ARID3A: variants seen among roughly 807,000 people sequenced by gnomAD.
ARID3A encodes the protein AT-rich interaction domain 3A, also known as AT-rich interactive domain-containing protein 3A.
In ARID3A, 11 loss-of-function variants were observed where a neutral mutation model predicts 52.7. That is an observed-to-expected ratio of 0.21 (90% CI 0.13 to 0.35). The LOEUF is 0.35. Ranked by LOEUF, ARID3A falls within the 10% of genes least tolerant of loss-of-function variation. The pLI, the probability that ARID3A is intolerant of heterozygous loss-of-function variation, is 1.00. For missense variants in ARID3A, 721 were observed against 838.5 expected, an observed-to-expected ratio of 0.86 and a Z score of 1.73; for synonymous variants, 404 against 359.4, an observed-to-expected ratio of 1.12 and a Z score of -1.40.
intron 3 of ARID3A, among the ~76,000 whole-genome samples, chr19:955,921 C>T (rs1031480353): frequency 2.6e-5 from 4 of 152,252 alleles, no homozygotes; most frequent in Middle Eastern, 3.4e-3. Context: ...AAAATCGAGG[C>T]GTCCGCAGGG....
At chr19:963,921 C>T (rs373767835) in intron 4 of ARID3A, among the ~76,000 whole-genome samples, 1 of 152,178 alleles carries the variant, frequency 6.6e-6, no homozygotes, top group East Asian at 1.9e-4. Flanking sequence ...TGGTGTGTGG[C>T]GTGGAGAAGG....
At chr19:945,795 G>A (rs1469016302) in intron 3 of ARID3A, among the ~76,000 whole-genome samples, 1 of 152,192 alleles carries the variant, frequency 6.6e-6, no homozygotes, top group Non-Finnish European at 1.5e-5. Flanking sequence ...TGCACTGCCC[G>A]GCTCCTGCTG....
chr19:937,823 C>T (rs1314041709), intron 3 of ARID3A, among the ~76,000 whole-genome samples: 1 of 151,006 alleles, frequency 6.6e-6, no homozygotes, highest in African/African-American at 2.4e-5. Context: ...TCTCCTGCCT[C>T]AGCCTCCCGA....
In ARID3A at chr19:972,187, G is replaced by A. The variant is rs1053993963; in HGVS notation, c.*122G>A. 1.2e-5 allele frequency: 9 copies of A among 744,052 alleles called. No individual in the cohort carries two copies. The highest frequency in any genetic ancestry group is 1.9e-5 in the African/African-American group (1 of 51,630). The allele number at this position is 744,052 out of a possible 1,614,324, so 46.1% of individuals were successfully genotyped here. On this transcript the variant is annotated 3_prime_UTR_variant, in exon 9 of 9. Coordinates refer to ENST00000263620, the MANE Select transcript of ARID3A (RefSeq NM_005224.3). Reference sequence around the variant, plus strand: ...GGTGGGGAGGGAAGATATCCAGAAAGGAGCCACAGCTGACGCCAAAAAGAA... The same window carrying A: ...GGTGGGGAGGGAAGATATCCAGAAAAGAGCCACAGCTGACGCCAAAAAGAA...
At chr19:949,826 C>T (rs1400692475) in intron 3 of ARID3A, among the ~76,000 whole-genome samples, 1 of 152,094 alleles carries the variant, frequency 6.6e-6, no homozygotes, top group Admixed American at 6.6e-5. Flanking sequence ...CAGGGGTTCA[C>T]CACCACGCCC....
intron 3 of ARID3A, among the ~76,000 whole-genome samples, chr19:935,427 C>T (rs1053499580): frequency 7.2e-5 from 11 of 152,302 alleles, no homozygotes; most frequent in East Asian, 3.9e-4. Flanking sequence ...GGCCTCCTGT[C>T]ACCCACACAG....
chr19:955,392 G>C (rs776309421), intron 3 of ARID3A, among the ~76,000 whole-genome samples: 2 of 152,162 alleles, frequency 1.3e-5, no homozygotes, highest in Non-Finnish European at 2.9e-5. Context: ...TGGGGCCCCC[G>C]CAGGTCCTCC....
At chr19:932,336 G>A in intron 2 of ARID3A, 82 bp from the exon 3 acceptor site, 5 of 1,557,424 alleles carry the variant, frequency 3.2e-6, no homozygotes, top group Non-Finnish European at 4.3e-6. Flanking sequence ...GGGAAACTGA[G>A]GCTGGGCGGG....
chr19:974,783 G>A lies in ARID3A; in HGVS notation c.*2718G>A, dbSNP rs540604024. On this transcript the variant is annotated 3_prime_UTR_variant, in exon 9 of 9. Transcript: ENST00000263620. ...TGCGTGTCGTGTCTGTGGGCGATCC[G>A]GCCTCCCGGCGGTGGGTGGACCTGG... The A allele has an allele frequency of 1.3e-5, 3 of 225,658 alleles. No homozygotes were observed. The highest frequency in any genetic ancestry group is 2.6e-5 in the Non-Finnish European group (3 of 113,358). 14.0% of individuals were successfully genotyped at this position (225,658 alleles called of 1,614,324 possible).
chr19:968,534 A>T, intron 8 of ARID3A, 31 bp downstream of exon 8: 2 of 1,599,084 alleles, frequency 1.3e-6, no homozygotes, highest in Non-Finnish European at 1.7e-6. Flanking sequence ...CCCTGCCTGG[A>T]CCTCGCCTCT....
chr19:952,142 A>G (rs745591266), intron 3 of ARID3A, among the ~76,000 whole-genome samples: 1 of 151,282 alleles, frequency 6.6e-6, no homozygotes, highest in Non-Finnish European at 1.5e-5. Context: ...CTCGGTCTCA[A>G]AACAAAAACA....
In ARID3A at chr19:938,349, T is replaced by G. The variant is rs1281020600; in HGVS notation, c.693+5607T>G. On this transcript the variant is annotated intron_variant, in intron 3 of 8. Transcript: ENST00000263620. The surrounding 1 kb of genome is among the most constrained non-coding windows in gnomAD (Gnocchi z 4.0). ...TCACTGCGTGAAGAAAGTGACTGAG[T>G]GTTTTAGATGGGTCGTCTCCCAGAT... Among the ~76,000 whole-genome samples the G allele has an allele frequency of 1.3e-5, 2 of 152,076 alleles. No homozygotes were observed. Among genetic ancestry groups the G allele is most frequent in the Admixed American group, 6.6e-5 (1 of 15,264 alleles).
chr19:933,420 C>T (rs968782367), intron 3 of ARID3A, among the ~76,000 whole-genome samples: 10 of 152,268 alleles, frequency 6.6e-5, no homozygotes, highest in Admixed American at 3.3e-4. Context: ...CGTGCTGGGC[C>T]GGGCAGATGG....
intron 3 of ARID3A, among the ~76,000 whole-genome samples, chr19:946,081 A>G (rs2037673104): frequency 6.6e-6 from 1 of 151,990 alleles, no homozygotes; most frequent in Admixed American, 6.6e-5. Flanking sequence ...CCCGGCGTCC[A>G]GGTGGGAGCA....
At chr19:954,391 A>AC (rs2037871335) in intron 3 of ARID3A, among the ~76,000 whole-genome samples, 1 of 151,940 alleles carries the variant, frequency 6.6e-6, no homozygotes, top group Non-Finnish European at 1.5e-5. Context: ...AGGGGAGGGG[A>AC]CCCCCTCAGG....
upstream of ARID3A, chr19:925,775 G>A (rs2037182396): frequency 6.6e-6 from 1 of 152,036 alleles, no homozygotes; most frequent in African/African-American, 2.4e-5. Context: ...GAAAATTTCC[G>A]TCCACTCTGC....
rs2037270333 is a variant in ARID3A at position 929,473 on chromosome 19, C to G, written c.-56C>G. 1 of 1,469,316 alleles carries G rather than the reference C, an allele frequency of 6.8e-7. No homozygotes were observed. The highest frequency in any genetic ancestry group is 9.0e-7 in the Non-Finnish European group (1 of 1,116,498). 91.0% of individuals were successfully genotyped at this position (1,469,316 alleles called of 1,614,324 possible). A position where few individuals can be genotyped will look rare whatever the true frequency, so the allele number is the denominator to read the frequency against. ...CAGGGGCCGCCCCCGCCGCCCACCC[C>G]TAGCGCCCGTGGTGGTGGTGGTGGT... On this transcript the variant is annotated 5_prime_UTR_variant, in exon 2 of 9. Coordinates refer to ENST00000263620, the MANE Select transcript of ARID3A (RefSeq NM_005224.3). The surrounding 1 kb of genome is among the most constrained non-coding windows in gnomAD (Gnocchi z 6.2).
At chr19:943,193 C>T (rs578068591) in intron 3 of ARID3A, among the ~76,000 whole-genome samples, 7 of 148,492 alleles carry the variant, frequency 4.7e-5, no homozygotes, top group Non-Finnish European at 8.9e-5. Flanking sequence ...CCCAGGAAGT[C>T]GAGGCTGTAG....
intron 3 of ARID3A, among the ~76,000 whole-genome samples, chr19:933,019 G>A (rs1425365055): frequency 6.6e-6 from 1 of 152,174 alleles, no homozygotes; most frequent in African/African-American, 2.4e-5. Context: ...ATGGGGCAGA[G>A]ATGGAAAGGT....
Sources: allele counts gnomAD v4.1 joint callset (sites outside exome capture counted in the v4.1 genomes callset), GRCh38; gene constraint gnomAD v4.1.1; non-coding constraint Gnocchi (gnomAD v3.1); transcripts MANE v1.5; gene names NCBI Gene and HGNC (gene_info 2026-07-23, HGNC 2026-07-21).